NRG3: variants seen among roughly 807,000 people sequenced by gnomAD.
NRG3 encodes the protein pro-neuregulin-3, membrane-bound isoform.
A neutral mutation model predicts 66.9 loss-of-function variants in NRG3; 31 were observed. The ratio of observed to expected loss-of-function variants is 0.46; its 90% CI spans 0.35 to 0.63. NRG3 has a LOEUF of 0.63. NRG3 is among the 20% of genes least tolerant of loss of function. The pLI, the probability that NRG3 is intolerant of heterozygous loss-of-function variation, is 0.00. For synonymous variants in NRG3, 393 were observed against 359.4 expected, an observed-to-expected ratio of 1.09 and a Z score of -1.06; for missense variants, 910 against 878.9, an observed-to-expected ratio of 1.04 and a Z score of -0.45.
At chr10:82,057,845 C>G (rs1273525236) in intron 1 of NRG3, among the ~76,000 whole-genome samples, 1 of 152,126 alleles carries the variant, frequency 6.6e-6, no homozygotes, top group Admixed American at 6.6e-5. Context: ...GGCCTTCTAC[C>G]TTAGTTCCTT....
chr10:82,394,294 C>T (rs1052552596), intron 2 of NRG3, among the ~76,000 whole-genome samples: 2 of 152,190 alleles, frequency 1.3e-5, no homozygotes, highest in South Asian at 2.1e-4. Flanking sequence ...CTACGATGAG[C>T]GGGCACCCGC....
At chr10:82,836,354 A>T (rs1442797936) in intron 3 of NRG3, among the ~76,000 whole-genome samples, 1 of 152,212 alleles carries the variant, frequency 6.6e-6, no homozygotes, top group Non-Finnish European at 1.5e-5. Flanking sequence ...TAGTTTACAG[A>T]TGTCTTCATG....
At chr10:82,709,295 C>G (rs1410193360) in intron 2 of NRG3, among the ~76,000 whole-genome samples, 2 of 152,096 alleles carry the variant, frequency 1.3e-5, no homozygotes, top group African/African-American at 4.8e-5. Flanking sequence ...GACTCTAGAG[C>G]TATAATCCCA....
intron 2 of NRG3, among the ~76,000 whole-genome samples, chr10:82,442,421 T>C (rs2090478127): frequency 6.6e-6 from 1 of 152,186 alleles, no homozygotes; most frequent in Admixed American, 6.6e-5. Context: ...GAAATGGCAA[T>C]TAACTGGGAT....
intron 1 of NRG3, among the ~76,000 whole-genome samples, chr10:82,185,872 C>T (rs1186791595): frequency 1.3e-5 from 2 of 152,152 alleles, no homozygotes; most frequent in African/African-American, 4.8e-5. Flanking sequence ...ATCATTCAAT[C>T]TAAAGAGTTT....
intron 1 of NRG3, among the ~76,000 whole-genome samples, chr10:82,287,274 A>G (rs1274296420): frequency 6.6e-6 from 1 of 151,932 alleles, no homozygotes; most frequent in Non-Finnish European, 1.5e-5. Context: ...CCCCTGCCCC[A>G]CAAGTGCTCT....
At chr10:82,712,856 A>G (rs2056754162) in intron 2 of NRG3, among the ~76,000 whole-genome samples, 1 of 152,148 alleles carries the variant, frequency 6.6e-6, no homozygotes, top group African/African-American at 2.4e-5. Context: ...AAAGAATTAT[A>G]AAAGAGTAAT....
chr10:82,667,481 A>G (rs2052892030), intron 2 of NRG3, among the ~76,000 whole-genome samples: 1 of 152,216 alleles, frequency 6.6e-6, no homozygotes, highest in East Asian at 1.9e-4. Context: ...GTTGACTCTA[A>G]GTAGTCTTTA....
intron 2 of NRG3, among the ~76,000 whole-genome samples, chr10:82,683,552 T>A (rs182774378): frequency 6.6e-6 from 1 of 152,326 alleles, no homozygotes; most frequent in East Asian, 1.9e-4. Context: ...CAAAGTAAAT[T>A]GGTGTCTTTA....
At chr10:82,347,571 T>C (rs1040931998) in intron 1 of NRG3, among the ~76,000 whole-genome samples, 8 of 151,656 alleles carry the variant, frequency 5.3e-5, no homozygotes, top group African/African-American at 1.9e-4. Flanking sequence ...GTTCTGTAGA[T>C]GTCTATTAGG....
intron 1 of NRG3, among the ~76,000 whole-genome samples, chr10:82,334,300 A>G (rs2082282338): frequency 6.6e-6 from 1 of 152,150 alleles, no homozygotes; most frequent in East Asian, 1.9e-4. Context: ...TTTTCCTCGA[A>G]GCATGGAAGG....
chr10:82,082,197 A>G (rs1187981690), intron 1 of NRG3, among the ~76,000 whole-genome samples: 1 of 152,194 alleles, frequency 6.6e-6, no homozygotes, highest in African/African-American at 2.4e-5. Context: ...GTTGTAAGAA[A>G]AATGTCCCAC....
chr10:82,173,594 G>A (rs1032534896), intron 1 of NRG3, among the ~76,000 whole-genome samples: 1 of 151,804 alleles, frequency 6.6e-6, no homozygotes, highest in Non-Finnish European at 1.5e-5. Flanking sequence ...AGGTGAGCAA[G>A]CAAGATGAGG....
intron 3 of NRG3, among the ~76,000 whole-genome samples, chr10:82,754,643 CA>C (rs2059007671): frequency 6.6e-6 from 1 of 151,806 alleles, no homozygotes; most frequent in Admixed American, 6.6e-5. Flanking sequence ...CTATCATTTC[CA>C]AATGACAAGC....
chr10:82,249,593 A>G (rs1319863345), intron 1 of NRG3, among the ~76,000 whole-genome samples: 1 of 152,198 alleles, frequency 6.6e-6, no homozygotes, highest in African/African-American at 2.4e-5. Flanking sequence ...GAATAACCAC[A>G]CCCTGACCCA....
At chr10:82,517,536 CA>C (rs1845774676) in intron 2 of NRG3, among the ~76,000 whole-genome samples, 1 of 151,864 alleles carries the variant, frequency 6.6e-6, no homozygotes, top group African/African-American at 2.4e-5. Context: ...TGTGTGTCTT[CA>C]AAATGTTAGG....
At chr10:82,327,259 A>G (rs1366409772) in intron 1 of NRG3, among the ~76,000 whole-genome samples, 1 of 152,130 alleles carries the variant, frequency 6.6e-6, no homozygotes, top group Non-Finnish European at 1.5e-5. Context: ...CAGTGGTAAA[A>G]CAGGAGAAAA....
chr10:82,862,587 C>G (rs1201468401), intron 3 of NRG3, among the ~76,000 whole-genome samples: 1 of 152,150 alleles, frequency 6.6e-6, no homozygotes, highest in Non-Finnish European at 1.5e-5. Context: ...AAATTCCCTT[C>G]AAGACCCTAG....
rs562142394 is a variant in NRG3, at chr10:82,949,597, G to A, written c.1055-1872G>A. Among the ~76,000 whole-genome samples, 13 of 152,260 alleles carry A rather than the reference G, an allele frequency of 8.5e-5. 1 individual carries two copies. In the South Asian group the frequency reaches 2.1e-3, roughly 24 times the overall value. ...TGGCTGGGTGTGGTGGCTCACACCTGTAATCCCAGCACTTTGGGAGGCCGA... is the reference window on the plus strand; with the variant it reads ...TGGCTGGGTGTGGTGGCTCACACCTATAATCCCAGCACTTTGGGAGGCCGA... On this transcript the variant is annotated intron_variant, in intron 4 of 8. Coordinates refer to ENST00000372141, the MANE Select transcript of NRG3 (RefSeq NM_001010848.4).
Sources: allele counts gnomAD v4.1 joint callset (sites outside exome capture counted in the v4.1 genomes callset), GRCh38; gene constraint gnomAD v4.1.1; transcripts MANE v1.5; gene names NCBI Gene and HGNC (gene_info 2026-07-23, HGNC 2026-07-21).